The following UBE2A variants were observed in gnomAD, a reference collection of about 807,000 sequenced individuals.
The protein encoded by UBE2A is ubiquitin-conjugating enzyme E2 A.
For synonymous variants in UBE2A, 39 were observed against 41.1 expected, an observed-to-expected ratio of 0.95 and a Z score of 0.20; for missense variants, 27 against 125.8, an observed-to-expected ratio of 0.21 and a Z score of 3.76.
At chrX:119,577,387 T>C (rs779714146) in intron 3 of UBE2A, among the ~76,000 whole-genome samples, 23 of 111,519 alleles carry the variant, frequency 2.1e-4, no homozygotes, top group Non-Finnish European at 4.1e-4. Flanking sequence ...ATTGGCTACC[T>C]AAATATTTCA....
intron 3 of UBE2A, among the ~76,000 whole-genome samples, chrX:119,578,808 GATTA>G (rs1347881981): frequency 5.4e-5 from 6 of 111,549 alleles, no homozygotes; most frequent in East Asian, 2.8e-4. Flanking sequence ...TGTATAGATG[GATTA>G]ATTGATACTT....
chrX:119,581,486 ATCTT>A lies in UBE2A; in HGVS notation c.152-15_152-12del. ...CAAAGTGATAAATACATTTTCTTAA[ATCTT>A]TCTTTTCTAACCACAGGAACATTTA... On this transcript the variant is annotated splice_polypyrimidine_tract_variant and intron_variant, in intron 3 of 5. Coordinates refer to ENST00000371558, the MANE Select transcript of UBE2A (RefSeq NM_003336.4). 4 of 1,125,261 alleles carry A rather than the reference ATCTT, an allele frequency of 3.6e-6. No homozygotes were observed. Among genetic ancestry groups the A allele is most frequent in the Non-Finnish European group, 3.7e-6 (3 of 817,402 alleles). 92.7% of individuals were successfully genotyped at this position (1,125,261 alleles called of 1,213,427 possible). A position where few individuals can be genotyped will look rare whatever the true frequency, so the allele number is the denominator to read the frequency against.
chrX:119,574,621 T>G lies in UBE2A; in HGVS notation c.-91T>G. ...TTCCTCTGGGTGCTTCCGCCTCCCC[T>G]TCTCCTGCTTCTCCAGCCTCTTCGG... On this transcript the variant is annotated 5_prime_UTR_variant, in exon 1 of 6. Coordinates refer to ENST00000371558, the MANE Select transcript of UBE2A (RefSeq NM_003336.4). 2 of 1,108,326 alleles carry G rather than the reference T, an allele frequency of 1.8e-6. No homozygotes were observed. Among genetic ancestry groups the G allele is most frequent in the Non-Finnish European group, 2.4e-6 (2 of 824,136 alleles). 91.3% of individuals were successfully genotyped at this position (1,108,326 alleles called of 1,213,427 possible). A position where few individuals can be genotyped will look rare whatever the true frequency, so the allele number is the denominator to read the frequency against.
intron 3 of UBE2A, among the ~76,000 whole-genome samples, chrX:119,576,584 T>A (rs931344038): frequency 8.9e-6 from 1 of 111,951 alleles, no homozygotes; most frequent in Non-Finnish European, 1.9e-5. Context: ...TACATACTTA[T>A]GTTGCTGAGC....
At position 119,574,988 on chromosome X, in the gene UBE2A, C is replaced by T; in HGVS notation, c.125+7C>T. ...GGAACGCGGTCATTTTCGGGTGAGT[C>T]TGCGTTCGTGGCGGTGGCGAGAAAA... On this transcript the variant is annotated splice_region_variant and intron_variant, in intron 2 of 5. Transcript: ENST00000371558. 8.3e-7 allele frequency: 1 copy of T among 1,211,379 alleles called. No homozygotes were observed. The highest frequency in any genetic ancestry group is 1.1e-6 in the Non-Finnish European group (1 of 894,913).
chrX:119,583,084 G>A, intron 5 of UBE2A, 43 bp from the exon 6 acceptor site: 1 of 1,203,396 alleles, frequency 8.3e-7, no homozygotes, highest in Non-Finnish European at 1.1e-6. Context: ...TAAAATAGTT[G>A]TTTTGCATTA....
intron 3 of UBE2A, among the ~76,000 whole-genome samples, chrX:119,579,402 TG>T (rs1388174107): frequency 1.8e-5 from 2 of 112,230 alleles, no homozygotes; most frequent in African/African-American, 6.5e-5. Context: ...TTCTGATTTT[TG>T]GGTTTTGCCT....
At chrX:119,582,547 T>C (rs762888479) in intron 4 of UBE2A, 41 bp from the exon 5 acceptor site, 2 of 1,030,343 alleles carry the variant, frequency 1.9e-6, no homozygotes, top group East Asian at 3.1e-5. Context: ...AAAACCTTAG[T>C]GGTCTTGTTA....
chrX:119,576,612 CT>C (rs2053417817), intron 3 of UBE2A, among the ~76,000 whole-genome samples: 2 of 111,618 alleles, frequency 1.8e-5, no homozygotes, highest in Non-Finnish European at 3.8e-5. Context: ...CTTTTTGATG[CT>C]ACCAGTCCAC....
Position 119,583,052 on chromosome X carries a change from T to C in UBE2A, c.331-75T>C, listed in dbSNP as rs1400233513. 4.3e-6 allele frequency: 5 copies of C among 1,152,969 alleles called. No homozygotes were observed. In the East Asian group the frequency reaches 1.5e-4, roughly 34 times the overall value. ...GAAATGTAGCTGTACTTAGGACAAT[T>C]CAATTGAGTGTCACTACCTTATAAA... is the stretch of plus-strand genomic sequence containing the variant. On this transcript the variant is annotated intron_variant, in intron 5 of 5. Transcript: ENST00000371558.
At chrX:119,580,847 C>T (rs1172666720) in intron 3 of UBE2A, 1 of 111,923 alleles carries the variant, frequency 8.9e-6, no homozygotes, top group Non-Finnish European at 1.9e-5. Flanking sequence ...AAAATTATTT[C>T]TGCCATTAAT....
In UBE2A at chrX:119,574,601, C is replaced by T. The variant is rs1033289541; in HGVS notation, c.-111C>T. 9.6e-7 allele frequency: 1 copy of T among 1,036,272 alleles called. No individual in the cohort carries two copies. Among genetic ancestry groups the T allele is most frequent in the East Asian group, 3.3e-5 (1 of 30,138 alleles). 85.4% of individuals were successfully genotyped at this position (1,036,272 alleles called of 1,213,427 possible). On this transcript the variant is annotated 5_prime_UTR_variant, in exon 1 of 6. Coordinates refer to ENST00000371558, the MANE Select transcript of UBE2A (RefSeq NM_003336.4). ...ACTTCGGAGAGGCAGCGCGGTTCCT[C>T]TGGGTGCTTCCGCCTCCCCTTCTCC...
At chrX:119,576,876 C>CTTAAT (rs2147375603) in intron 3 of UBE2A, 1 of 112,332 alleles carries the variant, frequency 8.9e-6, no homozygotes, top group Non-Finnish European at 1.9e-5. Flanking sequence ...TATAGCTAGA[C>CTTAAT]TTAATTTTCT....
At chrX:119,577,619 A>C (rs2053424176) in intron 3 of UBE2A, among the ~76,000 whole-genome samples, 2 of 101,765 alleles carry the variant, frequency 2.0e-5, no homozygotes, top group African/African-American at 7.2e-5. Flanking sequence ...TGGTTCCCCC[A>C]CAAAAAAAAT....
chrX:119,574,679 A>G lies in UBE2A; in HGVS notation c.-33A>G. ...GCCCGCCGCGGGAACCCGAGACCCC[A>G]GTGTATGCCCCACCCCTGACCCCGC... On this transcript the variant is annotated 5_prime_UTR_variant, in exon 1 of 6. Coordinates refer to ENST00000371558, the MANE Select transcript of UBE2A (RefSeq NM_003336.4). 1 of 1,188,459 alleles carries G rather than the reference A, an allele frequency of 8.4e-7. No homozygotes were observed. Among genetic ancestry groups the G allele is most frequent in the Non-Finnish European group, 1.1e-6 (1 of 884,473 alleles).
At chrX:119,581,169 T>C (rs1415008278) in intron 3 of UBE2A, 1 of 153,788 alleles carries the variant, frequency 6.5e-6, no homozygotes, top group African/African-American at 3.1e-5. Context: ...CATAGGCCTT[T>C]GAGGTCTTTT....
At position 119,574,619 on chromosome X, in the gene UBE2A, C is replaced by G. The variant is rs2053400554; in HGVS notation, c.-93C>G. 9.1e-7 allele frequency: 1 copy of G among 1,104,227 alleles called. No homozygotes were observed. Among genetic ancestry groups the G allele is most frequent in the Non-Finnish European group, 1.2e-6 (1 of 821,021 alleles). The allele number at this position is 1,104,227 out of a possible 1,213,427, so 91.0% of individuals were successfully genotyped here. ...GGTTCCTCTGGGTGCTTCCGCCTCC[C>G]CTTCTCCTGCTTCTCCAGCCTCTTC... On this transcript the variant is annotated 5_prime_UTR_variant, in exon 1 of 6. Coordinates refer to ENST00000371558, the MANE Select transcript of UBE2A (RefSeq NM_003336.4).
At position 119,583,573 on chromosome X, in the gene UBE2A, T is replaced by C. The variant is rs887106865; in HGVS notation, c.*318T>C. 8 of 262,450 alleles carry C rather than the reference T, an allele frequency of 3.0e-5. No homozygotes were observed. Among genetic ancestry groups the C allele is most frequent in the African/African-American group, 1.9e-4 (7 of 36,063 alleles). 21.6% of individuals were successfully genotyped at this position (262,450 alleles called of 1,213,427 possible). A position where few individuals can be genotyped will look rare whatever the true frequency, so the allele number is the denominator to read the frequency against. On this transcript the variant is annotated 3_prime_UTR_variant, in exon 6 of 6. Coordinates refer to ENST00000371558, the MANE Select transcript of UBE2A (RefSeq NM_003336.4). The stretch of plus-strand genomic sequence containing the variant: ...TTTAAGCTTTTAAGATGAATTGTTA[T>C]ACAAGAGGTGCTTATGCTTAGCTTG...
intron 3 of UBE2A, chrX:119,580,919 T>A (rs750939642): frequency 1.3e-4 from 15 of 112,368 alleles, no homozygotes; most frequent in African/African-American, 4.5e-4. Context: ...GAGCCATACT[T>A]AAGGGTTTCT....
Sources: gnomAD v4.1 joint callset for allele counts (sites outside exome capture counted in the v4.1 genomes callset) on GRCh38, gnomAD v4.1.1 for gene constraint, MANE v1.5 for transcripts, NCBI Gene and HGNC (gene_info 2026-07-23, HGNC 2026-07-21) for gene names.